Variants in POU6F2 observed in about 807,000 individuals in gnomAD.
POU6F2 encodes POU domain, class 6, transcription factor 2.
Under a neutral mutation model 71.3 loss-of-function variants are expected in POU6F2, and 31 were observed. The ratio of observed to expected loss-of-function variants is 0.43; its 90% CI spans 0.33 to 0.59. The LOEUF (loss-of-function observed/expected upper bound fraction) is 0.59. POU6F2 is among the 20% of genes least tolerant of loss of function. The pLI, the probability that POU6F2 is intolerant of heterozygous loss-of-function variation, is 0.04. For synonymous variants in POU6F2, 347 were observed against 355.7 expected, an observed-to-expected ratio of 0.98 and a Z score of 0.27; for missense variants, 783 against 856.8, an observed-to-expected ratio of 0.91 and a Z score of 1.07.
chr7:39,305,604 G>A (rs999567849), intron 4 of POU6F2, among the ~76,000 whole-genome samples: 4 of 152,176 alleles, frequency 2.6e-5, no homozygotes, highest in South Asian at 4.1e-4. Flanking sequence ...AGTCCTCAGC[G>A]TTAAAATTCT....
chr7:39,289,017 T>A (rs756988983), intron 4 of POU6F2, among the ~76,000 whole-genome samples: 5 of 152,218 alleles, frequency 3.3e-5, no homozygotes, highest in Non-Finnish European at 7.3e-5. Context: ...CTTCTGATCT[T>A]CCCCTAAACT....
chr7:39,366,619 G>C (rs563421515), intron 5 of POU6F2, among the ~76,000 whole-genome samples: 1 of 152,172 alleles, frequency 6.6e-6, no homozygotes, highest in African/African-American at 2.4e-5. Flanking sequence ...CTAGGAGCGG[G>C]TAGGGAACAG....
chr7:38,996,035 CTTTTTTTT>C (rs5883669), intron 1 of POU6F2, among the ~76,000 whole-genome samples: 24,992 of 86,058 alleles, frequency 0.29, 2,653 homozygotes, highest in Middle Eastern at 0.41. Flanking sequence ...AGGGGCTTGG[CTTTTTTTT>C]TTTTTTTTTT....
intron 1 of POU6F2, among the ~76,000 whole-genome samples, chr7:39,002,721 A>C (rs1788948716): frequency 6.6e-6 from 1 of 152,230 alleles, no homozygotes; most frequent in African/African-American, 2.4e-5. Flanking sequence ...CTGCTTTGGT[A>C]ATTTATTGAT....
At chr7:39,167,340 C>T (rs1793134537) in intron 2 of POU6F2, among the ~76,000 whole-genome samples, 1 of 152,202 alleles carries the variant, frequency 6.6e-6, no homozygotes, top group South Asian at 2.1e-4. Flanking sequence ...TAGTATCCTA[C>T]ATAGTACTAG....
intron 4 of POU6F2, among the ~76,000 whole-genome samples, chr7:39,265,619 T>C (rs1049479723): frequency 6.6e-6 from 1 of 152,142 alleles, no homozygotes; most frequent in African/African-American, 2.4e-5. Flanking sequence ...TCGGCCATAG[T>C]TTTTTCCCCA....
intron 4 of POU6F2, among the ~76,000 whole-genome samples, chr7:39,263,973 C>T (rs552424626): frequency 6.6e-6 from 1 of 152,352 alleles, no homozygotes; most frequent in East Asian, 1.9e-4. Flanking sequence ...CCCAGCTCCT[C>T]AGTCTGACTT....
At chr7:39,057,660 CTAGT>C (rs1299298881) in intron 1 of POU6F2, among the ~76,000 whole-genome samples, 52 of 152,098 alleles carry the variant, frequency 3.4e-4, no homozygotes, top group African/African-American at 1.2e-3. Flanking sequence ...TATTCCAACA[CTAGT>C]TAATTTTCAC....
At chr7:39,114,821 G>T (rs1267113391) in intron 2 of POU6F2, among the ~76,000 whole-genome samples, 1 of 152,044 alleles carries the variant, frequency 6.6e-6, no homozygotes, top group Non-Finnish European at 1.5e-5. Context: ...AGCTGAAGGA[G>T]ATTTTTAAAT....
chr7:39,158,433 A>T (rs930170092), intron 2 of POU6F2, among the ~76,000 whole-genome samples: 1 of 152,154 alleles, frequency 6.6e-6, no homozygotes, highest in African/African-American at 2.4e-5. Flanking sequence ...AAAGATAGAC[A>T]TATGTGGGTG....
intron 7 of POU6F2, among the ~76,000 whole-genome samples, chr7:39,448,011 G>C (rs1254242851): frequency 1.3e-5 from 2 of 152,010 alleles, no homozygotes; most frequent in Non-Finnish European, 2.9e-5. Context: ...TTAAATCTCT[G>C]CTTTGCCTTT....
chr7:39,253,454 G>A (rs562940200), intron 4 of POU6F2, among the ~76,000 whole-genome samples: 3 of 152,288 alleles, frequency 2.0e-5, no homozygotes, highest in African/African-American at 7.2e-5. Flanking sequence ...AGCAATAATA[G>A]CCTTTATTTA....
At chr7:39,398,757 G>A (rs1787233553) in intron 5 of POU6F2, among the ~76,000 whole-genome samples, 3 of 152,186 alleles carry the variant, frequency 2.0e-5, no homozygotes, top group Admixed American at 2.0e-4. Context: ...TCCTAAAACA[G>A]CAATATGACC....
chr7:39,195,596 C>T lies in POU6F2; in HGVS notation c.278-8639C>T, dbSNP rs1397947300. ...ACAGGGATCTCTGTTCAGTCCCCATCTCCTCTTTAGGCTTCGGTTTCCAGT... is the reference window on the plus strand; with the variant it reads ...ACAGGGATCTCTGTTCAGTCCCCATTTCCTCTTTAGGCTTCGGTTTCCAGT... On this transcript the variant is annotated intron_variant, in intron 2 of 9. Transcript: ENST00000518318. Among the ~76,000 whole-genome samples, 5 of 151,646 alleles carry T rather than the reference C, an allele frequency of 3.3e-5. No individual in the cohort carries two copies. The East Asian group carries it at 5.8e-4, about 18-fold the overall frequency.
At chr7:39,207,297 A>C (rs776483401) in intron 3 of POU6F2, 95 bp from the exon 4 acceptor site, 16 of 1,169,770 alleles carry the variant, frequency 1.4e-5, no homozygotes, top group Non-Finnish European at 1.9e-5. Flanking sequence ...TTCTTCGGGA[A>C]CTTTCTGACC....
chr7:39,453,868 G>A (rs1263942955), intron 8 of POU6F2, among the ~76,000 whole-genome samples: 1 of 152,184 alleles, frequency 6.6e-6, no homozygotes, highest in Non-Finnish European at 1.5e-5. Flanking sequence ...AAACCCATAT[G>A]CAGAGACTGA....
intron 1 of POU6F2, among the ~76,000 whole-genome samples, chr7:38,987,563 T>C (rs559042292): frequency 3.0e-4 from 45 of 152,228 alleles, no homozygotes; most frequent in African/African-American, 1.1e-3. Context: ...GACCAATCCT[T>C]CAACCCTGAT....
At chr7:39,259,996 ACACAC>A (rs77153480) in intron 4 of POU6F2, among the ~76,000 whole-genome samples, 136,035 of 150,180 alleles carry the variant, frequency 0.91, 61,663 homozygotes, top group Middle Eastern at 0.95. Flanking sequence ...CACCACAAGC[ACACAC>A]CACACCACAC....
At chr7:39,292,993 C>T (rs1431143333) in intron 4 of POU6F2, among the ~76,000 whole-genome samples, 2 of 152,072 alleles carry the variant, frequency 1.3e-5, no homozygotes, top group East Asian at 3.9e-4. Flanking sequence ...GGGCTCTGGC[C>T]GCCTCTGTCT....
Sources: allele counts gnomAD v4.1 joint callset (sites outside exome capture counted in the v4.1 genomes callset), GRCh38; gene constraint gnomAD v4.1.1; transcripts MANE v1.5; gene names NCBI Gene and HGNC (gene_info 2026-07-23, HGNC 2026-07-21).